Variants in TBC1D22A observed in about 807,000 individuals in gnomAD.
TBC1D22A encodes the protein TBC1 domain family member 22A, also known as putative GTPase activator.
Under a neutral mutation model 60.2 loss-of-function variants are expected in TBC1D22A, and 38 were observed. That is an observed-to-expected ratio of 0.63 (90% CI 0.49 to 0.83). The LOEUF (loss-of-function observed/expected upper bound fraction) is 0.83, where lower values mean the gene tolerates loss of function less well. Ranked by LOEUF, TBC1D22A falls within the 40% of genes least tolerant of loss-of-function variation. The pLI is 0.00. For missense variants in TBC1D22A, 628 were observed against 701.0 expected (o/e 0.90, Z 1.18); for synonymous variants, 302 against 281.7 (o/e 1.07, Z -0.72).
chr22:47,092,703 C>T (rs1366990112), intron 11 of TBC1D22A, among the ~76,000 whole-genome samples: 1 of 152,234 alleles, frequency 6.6e-6, no homozygotes, highest in Admixed American at 6.5e-5. Flanking sequence ...CTTACTCCTT[C>T]TCTGACCCCT....
chr22:46,886,481 G>A (rs995256086), intron 5 of TBC1D22A, among the ~76,000 whole-genome samples: 10 of 152,220 alleles, frequency 6.6e-5, no homozygotes, highest in Non-Finnish European at 1.3e-4. Context: ...TAACCAGGCG[G>A]TTGTGACCCG....
At chr22:47,105,907 G>C (rs2065617831) in intron 11 of TBC1D22A, among the ~76,000 whole-genome samples, 1 of 151,710 alleles carries the variant, frequency 6.6e-6, no homozygotes. Context: ...GAGATCTACA[G>C]AGATTTTAGA....
intron 4 of TBC1D22A, among the ~76,000 whole-genome samples, chr22:46,868,873 C>G (rs10483234): frequency 0.4 from 60,270 of 151,928 alleles, 12,059 homozygotes; most frequent in Non-Finnish European, 0.41. Context: ...TCACGTATAA[C>G]TTGTTTTATC....
At chr22:46,848,407 T>C (rs1046539489) in intron 4 of TBC1D22A, among the ~76,000 whole-genome samples, 1 of 152,228 alleles carries the variant, frequency 6.6e-6, no homozygotes, top group Non-Finnish European at 1.5e-5. Context: ...AACTAGTCTA[T>C]GACTAACTGC....
chr22:46,974,659 C>A (rs1047491631), intron 9 of TBC1D22A, among the ~76,000 whole-genome samples: 1 of 152,240 alleles, frequency 6.6e-6, no homozygotes, highest in East Asian at 1.9e-4. Context: ...TGATCCCCTG[C>A]TGCCTGCAGA....
At chr22:47,154,703 G>GCTC (rs2067642917) in intron 12 of TBC1D22A, among the ~76,000 whole-genome samples, 1 of 152,258 alleles carries the variant, frequency 6.6e-6, no homozygotes, top group South Asian at 2.1e-4. Context: ...TAGGCAGGGA[G>GCTC]TGATGGCGGC....
chr22:47,094,217 C>G (rs1260338128), intron 11 of TBC1D22A, among the ~76,000 whole-genome samples: 1 of 152,134 alleles, frequency 6.6e-6, no homozygotes, highest in Non-Finnish European at 1.5e-5. Context: ...GAGGAAGGAA[C>G]TCAGATAAAA....
intron 4 of TBC1D22A, among the ~76,000 whole-genome samples, chr22:46,868,090 C>T (rs1318786004): frequency 2.0e-5 from 3 of 152,198 alleles, no homozygotes; most frequent in African/African-American, 4.8e-5. Flanking sequence ...GGGGAGGCTG[C>T]GGTGCCGCTT....
intron 4 of TBC1D22A, among the ~76,000 whole-genome samples, chr22:46,861,987 C>T (rs528343248): frequency 8.5e-5 from 13 of 152,202 alleles, no homozygotes; most frequent in African/African-American, 2.9e-4. Flanking sequence ...GGACAGTGTA[C>T]TGGGGCCTCT....
chr22:47,048,086 C>T (rs866079696), intron 11 of TBC1D22A, among the ~76,000 whole-genome samples: 18 of 152,328 alleles, frequency 1.2e-4, no homozygotes, highest in South Asian at 4.1e-4. Flanking sequence ...CAGTCTGCCC[C>T]GGGCTGCCCC....
chr22:46,930,815 G>A (rs1428789620), intron 8 of TBC1D22A, among the ~76,000 whole-genome samples: 1 of 152,142 alleles, frequency 6.6e-6, no homozygotes. Flanking sequence ...AAGCCAGTAT[G>A]TAGTTTAAAT....
chr22:46,923,053 G>T (rs2070847653), intron 8 of TBC1D22A, among the ~76,000 whole-genome samples: 1 of 152,174 alleles, frequency 6.6e-6, no homozygotes, highest in Non-Finnish European at 1.5e-5. Context: ...GCTGTTGATT[G>T]TGGGTTTGTC....
chr22:46,942,563 G>T (rs1030796343), intron 8 of TBC1D22A, among the ~76,000 whole-genome samples: 7 of 152,142 alleles, frequency 4.6e-5, no homozygotes, highest in Non-Finnish European at 8.8e-5. Flanking sequence ...AGAGCTTTTC[G>T]GATCCAGAAA....
chr22:47,050,969 G>A (rs1028797271), intron 11 of TBC1D22A, among the ~76,000 whole-genome samples: 7 of 152,196 alleles, frequency 4.6e-5, no homozygotes, highest in Admixed American at 2.0e-4. Context: ...GGGGGCAGTC[G>A]CGGGGACCTT....
intron 11 of TBC1D22A, among the ~76,000 whole-genome samples, chr22:47,083,040 T>G (rs574292196): frequency 6.6e-6 from 1 of 152,308 alleles, no homozygotes; most frequent in African/African-American, 2.4e-5. Flanking sequence ...CAGAAACATT[T>G]TAACCAGCAA....
chr22:47,094,848 C>A lies in TBC1D22A; in HGVS notation c.1330-16660C>A, dbSNP rs1014509769. 2.0e-5 allele frequency among the ~76,000 whole-genome samples: 3 copies of A among 152,030 alleles called. No homozygotes were observed. The East Asian group carries it at 5.8e-4, about 29-fold the overall frequency. On this transcript the variant is annotated intron_variant, in intron 11 of 12. Coordinates refer to ENST00000337137, the MANE Select transcript of TBC1D22A (RefSeq NM_014346.5). ...CCCCCGAGGCTGTAGAGAGGAGAAC[C>A]CGTCCTGTGACTCACTAGATTTGAT...
chr22:46,774,160 C>T, intron 1 of TBC1D22A: 3 of 985,576 alleles, frequency 3.0e-6, no homozygotes, highest in Non-Finnish European at 3.6e-6. Context: ...CTGAGCTCAG[C>T]CTGAGGCCTG....
intron 4 of TBC1D22A, among the ~76,000 whole-genome samples, chr22:46,809,470 G>T (rs576079568): frequency 3.3e-5 from 5 of 152,142 alleles, no homozygotes; most frequent in Non-Finnish European, 5.9e-5. Flanking sequence ...GTTCAGTCTC[G>T]AATAGTTAGC....
intron 4 of TBC1D22A, among the ~76,000 whole-genome samples, chr22:46,804,451 C>A (rs2085042016): frequency 6.6e-6 from 1 of 152,220 alleles, no homozygotes; most frequent in South Asian, 2.1e-4. Flanking sequence ...TCAGTTCTTA[C>A]CAGTTTTTCA....
Sources: allele counts gnomAD v4.1 joint callset (sites outside exome capture counted in the v4.1 genomes callset), GRCh38; gene constraint gnomAD v4.1.1; transcripts MANE v1.5; gene names NCBI Gene and HGNC (gene_info 2026-07-23, HGNC 2026-07-21).